Variants in AIF1L observed in about 807,000 individuals in gnomAD.
The protein encoded by AIF1L is allograft inflammatory factor 1-like.
Under a neutral mutation model 20.7 loss-of-function variants are expected in AIF1L, and 12 were observed. That is an observed-to-expected ratio of 0.58 (90% CI 0.37 to 0.94). The LOEUF (loss-of-function observed/expected upper bound fraction) is 0.94, where lower values mean the gene tolerates loss of function less well. Among genes scored for constraint, AIF1L ranks in the 40% least tolerant of loss-of-function variants. AIF1L has a pLI of 0.01. For missense variants in AIF1L, 173 were observed against 185.3 expected (o/e 0.93, Z 0.39); for synonymous variants, 76 against 65.1 (o/e 1.17, Z -0.81).
intron 2 of AIF1L, among the ~76,000 whole-genome samples, chr9:131,105,128 G>A (rs1455302928): frequency 1.3e-5 from 2 of 152,190 alleles, no homozygotes; most frequent in African/African-American, 4.8e-5. Context: ...CAGGGAGGGA[G>A]CTGTGGGTGG....
At chr9:131,098,196 A>G (rs772386424) in intron 2 of AIF1L, 4 of 152,368 alleles carry the variant, frequency 2.6e-5, no homozygotes, top group Non-Finnish European at 4.4e-5. Flanking sequence ...TCCGCTGGCT[A>G]CAGGACTCCC....
chr9:131,111,439 C>T, intron 2 of AIF1L, 158 bp from the exon 3 acceptor site: 2 of 697,938 alleles, frequency 2.9e-6, no homozygotes, highest in Non-Finnish European at 5.0e-6. Context: ...GCAGATCTGC[C>T]TCCAAGGGGC....
intron 2 of AIF1L, among the ~76,000 whole-genome samples, chr9:131,111,194 G>T (rs1471143800): frequency 2.2e-5 from 3 of 135,092 alleles, no homozygotes; most frequent in African/African-American, 8.0e-5. Flanking sequence ...AAAAAAAAGT[G>T]CACGGAGGAA....
chr9:131,110,207 G>A (rs1830844495), intron 2 of AIF1L, among the ~76,000 whole-genome samples: 2 of 152,122 alleles, frequency 1.3e-5, no homozygotes, highest in Admixed American at 1.3e-4. Flanking sequence ...GCAAGACCCT[G>A]TTTCAAAATA....
At chr9:131,115,838 G>A (rs1300757398) in intron 4 of AIF1L, among the ~76,000 whole-genome samples, 1 of 151,916 alleles carries the variant, frequency 6.6e-6, no homozygotes, top group Admixed American at 6.6e-5. Flanking sequence ...GCCGGGCATG[G>A]TGGCAGATGC....
At chr9:131,105,887 A>G (rs1405537177) in intron 2 of AIF1L, among the ~76,000 whole-genome samples, 1 of 150,772 alleles carries the variant, frequency 6.6e-6, no homozygotes, top group African/African-American at 2.4e-5. Context: ...GGTGCAGTCA[A>G]AGCTCATTGC....
In AIF1L at chr9:131,115,663, A is replaced by AT. The variant is rs141954335; in HGVS notation, c.202+1056dup. 5.4e-3 allele frequency among the ~76,000 whole-genome samples: 760 copies of AT among 141,072 alleles called. 1 individual carries two copies. Among genetic ancestry groups the AT allele is most frequent in the Non-Finnish European group, 7.6e-3 (488 of 64,534 alleles). 92.5% of individuals were successfully genotyped at this position (141,072 alleles called of 152,430 possible). ...CTTCTCCCTTTAGAATATTTTGATCATTTTTTTTTTTCTTTAGAAAGAAAA... is the reference window on the plus strand; with the variant it reads ...CTTCTCCCTTTAGAATATTTTGATCATTTTTTTTTTTTCTTTAGAAAGAAAA... On this transcript the variant is annotated intron_variant, in intron 4 of 5. Coordinates refer to ENST00000247291, the MANE Select transcript of AIF1L (RefSeq NM_031426.4).
At chr9:131,107,499 C>T (rs1830779106) in intron 2 of AIF1L, among the ~76,000 whole-genome samples, 1 of 152,234 alleles carries the variant, frequency 6.6e-6, no homozygotes, top group East Asian at 1.9e-4. Context: ...GATGTTGGTG[C>T]TCTTGTGCCT....
At chr9:131,098,598 G>T (rs577621835) in intron 2 of AIF1L, among the ~76,000 whole-genome samples, 18 of 152,280 alleles carry the variant, frequency 1.2e-4, no homozygotes, top group Non-Finnish European at 2.1e-4. Context: ...AGCTAAGAGG[G>T]CGGGGCCAAC....
Position 131,121,121 on chromosome 9 carries a change from G to T in AIF1L, c.*799G>T, listed in dbSNP as rs1168529101. On this transcript the variant is annotated 3_prime_UTR_variant, in exon 6 of 6. Coordinates refer to ENST00000247291, the MANE Select transcript of AIF1L (RefSeq NM_031426.4). ...TGTTCCACCTTTTAGGGAGGTTACTGAGGGGACCAGGATGGGAGAATGAGG... is the reference window on the plus strand; with the variant it reads ...TGTTCCACCTTTTAGGGAGGTTACTTAGGGGACCAGGATGGGAGAATGAGG... 1 of 714,510 alleles carries T rather than the reference G, an allele frequency of 1.4e-6. No homozygotes were observed. Among genetic ancestry groups the T allele is most frequent in the Admixed American group, 2.0e-5 (1 of 49,640 alleles). The allele number at this position is 714,510 out of a possible 1,614,324, so 44.3% of individuals were successfully genotyped here.
At chr9:131,107,070 C>T (rs570539499) in intron 2 of AIF1L, among the ~76,000 whole-genome samples, 13 of 152,050 alleles carry the variant, frequency 8.5e-5, no homozygotes, top group Non-Finnish European at 1.3e-4. Flanking sequence ...TCCAGCCTGG[C>T]GACAGAGTGA....
chr9:131,107,294 G>C (rs1830775480), intron 2 of AIF1L, among the ~76,000 whole-genome samples: 5 of 152,296 alleles, frequency 3.3e-5, no homozygotes, highest in African/African-American at 4.8e-5. Context: ...TGCCTGGTTG[G>C]TCTGTGTCTG....
intron 2 of AIF1L, among the ~76,000 whole-genome samples, chr9:131,098,887 C>T (rs763004981): frequency 1.1e-4 from 17 of 152,184 alleles, no homozygotes; most frequent in Non-Finnish European, 2.2e-4. Flanking sequence ...CTGAGACCCA[C>T]CATGACAGCC....
chr9:131,120,739 C>G lies in AIF1L; in HGVS notation c.*417C>G, dbSNP rs1831118644. 1 of 313,474 alleles carries G rather than the reference C, an allele frequency of 3.2e-6. No individual in the cohort carries two copies. Among genetic ancestry groups the G allele is most frequent in the African/African-American group, 2.1e-5 (1 of 47,078 alleles). 19.4% of individuals were successfully genotyped at this position (313,474 alleles called of 1,614,324 possible). On this transcript the variant is annotated 3_prime_UTR_variant, in exon 6 of 6. Transcript: ENST00000247291. ...GGACCCCAGGCCACTCTGAGAAGACCTTGGAGTAGGGACAAGGCTGCAGGG... is the reference window on the plus strand; with the variant it reads ...GGACCCCAGGCCACTCTGAGAAGACGTTGGAGTAGGGACAAGGCTGCAGGG...
rs1004676301 is a variant in AIF1L at position 131,121,727 on chromosome 9, C to G, written c.*1405C>G. ...AGGTCAACACTTGGAGAGGGTTTCACTTGCTCTGAAGACCCTGGTCCAGGA... is the reference window on the plus strand; with the variant it reads ...AGGTCAACACTTGGAGAGGGTTTCAGTTGCTCTGAAGACCCTGGTCCAGGA... On this transcript the variant is annotated 3_prime_UTR_variant, in exon 6 of 6. Transcript: ENST00000247291. 1 of 152,380 alleles carries G rather than the reference C, an allele frequency of 6.6e-6. No homozygotes were observed. The highest frequency in any genetic ancestry group is 1.5e-5 in the Non-Finnish European group (1 of 68,064). The allele number at this position is 152,380 out of a possible 1,614,324, so 9.4% of individuals were successfully genotyped here. A position where few individuals can be genotyped will look rare whatever the true frequency, so the allele number is the denominator to read the frequency against.
chr9:131,105,209 T>C (rs1005058380), intron 2 of AIF1L, among the ~76,000 whole-genome samples: 7 of 152,266 alleles, frequency 4.6e-5, no homozygotes, highest in Admixed American at 3.3e-4. Flanking sequence ...GGTGGAGTCC[T>C]GTTCCTGCCA....
chr9:131,106,883 G>A (rs1166651751), intron 2 of AIF1L, among the ~76,000 whole-genome samples: 1 of 152,170 alleles, frequency 6.6e-6, no homozygotes, highest in Non-Finnish European at 1.5e-5. Context: ...ATCACCTGAG[G>A]TCAGGAATTT....
intron 2 of AIF1L, among the ~76,000 whole-genome samples, chr9:131,109,748 T>C (rs559223569): frequency 3.3e-5 from 5 of 152,266 alleles, no homozygotes; most frequent in South Asian, 2.1e-4. Context: ...TGTTCCCTCA[T>C]TGGTCGCTTT....
At chr9:131,109,269 G>T (rs1830821494) in intron 2 of AIF1L, among the ~76,000 whole-genome samples, 1 of 151,986 alleles carries the variant, frequency 6.6e-6, no homozygotes, top group Non-Finnish European at 1.5e-5. Context: ...AAGAATGGAA[G>T]GTCCACTGGC....
Sources: gnomAD v4.1 joint callset for allele counts (sites outside exome capture counted in the v4.1 genomes callset) on GRCh38, gnomAD v4.1.1 for gene constraint, MANE v1.5 for transcripts, NCBI Gene and HGNC (gene_info 2026-07-23, HGNC 2026-07-21) for gene names.